The following KDM1B variants were observed in gnomAD, a reference collection of about 807,000 sequenced individuals.
KDM1B encodes lysine-specific histone demethylase 2.
Under a neutral mutation model 107.4 loss-of-function variants are expected in KDM1B, and 63 were observed. The ratio of observed to expected loss-of-function variants is 0.59; its 90% CI spans 0.48 to 0.72. The LOEUF is 0.72. Among genes scored for constraint, KDM1B ranks in the 30% least tolerant of loss-of-function variants. KDM1B has a pLI of 0.00. For missense variants in KDM1B, 749 were observed against 1,020.8 expected, an observed-to-expected ratio of 0.73 and a Z score of 3.63; for synonymous variants, 363 against 363.9, an observed-to-expected ratio of 1.00 and a Z score of 0.03.
At chr6:18,173,854 C>T (rs138907444) in intron 7 of KDM1B, among the ~76,000 whole-genome samples, 17,148 of 152,056 alleles carry the variant, frequency 0.11, 1,109 homozygotes, top group South Asian at 0.19. Context: ...GGCTCGATCT[C>T]GGCTCACTGC....
intron 7 of KDM1B, among the ~76,000 whole-genome samples, chr6:18,183,258 GTTTTTTTTTT>G (rs34558185): frequency 3.3e-5 from 2 of 61,430 alleles, no homozygotes; most frequent in Admixed American, 1.9e-4. Context: ...AATTTTGTGG[GTTTTTTTTTT>G]TTTTTTTTTT....
chr6:18,202,544 TA>T (rs1788108041), intron 14 of KDM1B, among the ~76,000 whole-genome samples: 1 of 152,260 alleles, frequency 6.6e-6, no homozygotes, highest in African/African-American at 2.4e-5. Context: ...TATTGCTTCT[TA>T]AATTGATATT....
At chr6:18,192,003 A>G (rs1283942985) in intron 10 of KDM1B, among the ~76,000 whole-genome samples, 1 of 152,208 alleles carries the variant, frequency 6.6e-6, no homozygotes, top group Non-Finnish European at 1.5e-5. Flanking sequence ...TTGTGTCTGT[A>G]ATTCCAGCAC....
At position 18,155,557 on chromosome 6, in the gene KDM1B, C is replaced by A. The variant is rs1305567754; in HGVS notation, c.-72C>A. On this transcript the variant is annotated 5_prime_UTR_variant, in exon 1 of 22. Transcript: ENST00000650836. The surrounding 1 kb of genome is among the most constrained non-coding windows in gnomAD (Gnocchi z 6.2). ...CAGTCCAGGGCGGCGCGCACCGCCT[C>A]GCTGGCGCTCAGAGGTGGGAGGCTC... The A allele has an allele frequency of 1.3e-5, 2 of 152,870 alleles. No homozygotes were observed. Among genetic ancestry groups the A allele is most frequent in the African/African-American group, 4.8e-5 (2 of 41,430 alleles). The allele number at this position is 152,870 out of a possible 1,614,324, so 9.5% of individuals were successfully genotyped here.
At chr6:18,176,849 C>T (rs904539826) in intron 7 of KDM1B, among the ~76,000 whole-genome samples, 2 of 152,124 alleles carry the variant, frequency 1.3e-5, no homozygotes, top group African/African-American at 4.8e-5. Flanking sequence ...TTGTTGGATT[C>T]AGTTAGCTAG....
intron 7 of KDM1B, among the ~76,000 whole-genome samples, chr6:18,184,448 T>C (rs1424009604): frequency 1.3e-5 from 2 of 151,798 alleles, no homozygotes; most frequent in African/African-American, 2.4e-5. Flanking sequence ...CTAATTTTTG[T>C]ATTTTTAGTA....
At position 18,159,326 on chromosome 6, in the gene KDM1B, A is replaced by T. The variant is rs1784825027; in HGVS notation, c.-13-557A>T. On this transcript the variant is annotated intron_variant, in intron 2 of 21. Coordinates refer to ENST00000650836, the MANE Select transcript of KDM1B (RefSeq NM_001364614.2). The surrounding 1 kb of genome is among the most constrained non-coding windows in gnomAD (Gnocchi z 4.5). ...AGTGCAGGAACTGCTAAGAAGACACAGTAAAATGGAGAGGAACATAGGCAA... is the reference window on the plus strand; with the variant it reads ...AGTGCAGGAACTGCTAAGAAGACACTGTAAAATGGAGAGGAACATAGGCAA... Among the ~76,000 whole-genome samples, 1 of 152,212 alleles carries T rather than the reference A, an allele frequency of 6.6e-6. No individual in the cohort carries two copies. Among genetic ancestry groups the T allele is most frequent in the African/African-American group, 2.4e-5 (1 of 41,444 alleles).
chr6:18,207,386 C>A lies in KDM1B; in HGVS notation c.1660-12C>A, dbSNP rs1207792848. 15 of 1,613,810 alleles carry A rather than the reference C, an allele frequency of 9.3e-6. No homozygotes were observed. The highest frequency in any genetic ancestry group is 1.2e-5 in the Non-Finnish European group (14 of 1,179,902). On this transcript the variant is annotated splice_polypyrimidine_tract_variant and intron_variant, in intron 15 of 21. Transcript: ENST00000650836. ...TTACACTGCTGTGTCCCCAACCTCT[C>A]TTGTTTCCCAGGTATCTGCTCGCTC... is the stretch of plus-strand genomic sequence containing the variant.
In KDM1B at chr6:18,209,022, G is replaced by A. The variant is rs150621489; in HGVS notation, c.1866+816G>A. Reference sequence around the variant, plus strand: ...GAAATCTATTTTACTTTTATTCTGTGCTCTCCACATTTTTTTAAACCACGG... The same window carrying A: ...GAAATCTATTTTACTTTTATTCTGTACTCTCCACATTTTTTTAAACCACGG... On this transcript the variant is annotated intron_variant, in intron 17 of 21. Coordinates refer to ENST00000650836, the MANE Select transcript of KDM1B (RefSeq NM_001364614.2). The surrounding 1 kb of genome is among the most constrained non-coding windows in gnomAD (Gnocchi z 4.3). Among the ~76,000 whole-genome samples, 915 of 152,122 alleles carry A rather than the reference G, an allele frequency of 6.0e-3. 10 individuals are homozygous for A. The highest frequency in any genetic ancestry group is 0.021 in the African/African-American group (855 of 41,512).
At position 18,201,539 on chromosome 6, in the gene KDM1B, T is replaced by G. The variant is rs1788032649; in HGVS notation, c.1413T>G (p.Gly471=). Residue 471 remains glycine, a synonymous_variant, in exon 14 of 22, where the codon GGT becomes GGG. Transcript: ENST00000650836. This position sits in a 1 kb window ranked among gnomAD's most constrained non-coding sequence, Gnocchi z 4.3. The part of the protein sequence containing the change: ...FGERCDLIQE[G]GRITDPTIDK... ...AAAGATGTGACTTAATTCAGGAAGG[T>G]GGAAGAATAACTGACCCCACTATTG... is the stretch of plus-strand genomic sequence containing the variant. 1 of 1,550,200 alleles carries G rather than the reference T, an allele frequency of 6.5e-7. No individual in the cohort carries two copies.
chr6:18,166,624 T>C (rs1267287922), intron 6 of KDM1B, among the ~76,000 whole-genome samples: 1 of 152,028 alleles, frequency 6.6e-6, no homozygotes, highest in African/African-American at 2.4e-5. Context: ...GTGGGAAGAC[T>C]GCTTTGCGCC....
At chr6:18,163,257 G>A (rs1426748185) in intron 5 of KDM1B, among the ~76,000 whole-genome samples, 4 of 151,350 alleles carry the variant, frequency 2.6e-5, no homozygotes, top group African/African-American at 4.9e-5. Context: ...ATGGGGTCTC[G>A]CCATGTTGTC....
rs542757217 is a variant in KDM1B at position 18,211,458 on chromosome 6, C to T, written c.1867-1030C>T. 5 of 152,258 alleles carry T rather than the reference C, an allele frequency of 3.3e-5. No homozygotes were observed. The highest frequency in any genetic ancestry group is 9.6e-5 in the African/African-American group (4 of 41,466). The allele number at this position is 152,258 out of a possible 1,614,324, so 9.4% of individuals were successfully genotyped here. A position where few individuals can be genotyped will look rare whatever the true frequency, so the allele number is the denominator to read the frequency against. Reference sequence around the variant, plus strand: ...GATGTAGAAGGTGTAGGTTGACTTTCGCTTCCCTTCTGCTGCCTCTGTTGA... The same window carrying T: ...GATGTAGAAGGTGTAGGTTGACTTTTGCTTCCCTTCTGCTGCCTCTGTTGA... On this transcript the variant is annotated intron_variant, in intron 17 of 21. Coordinates refer to ENST00000650836, the MANE Select transcript of KDM1B (RefSeq NM_001364614.2). This position sits in a 1 kb window ranked among gnomAD's most constrained non-coding sequence, Gnocchi z 5.2.
intron 6 of KDM1B, among the ~76,000 whole-genome samples, chr6:18,170,844 G>A (rs1375578286): frequency 2.0e-5 from 3 of 149,952 alleles, no homozygotes; most frequent in Admixed American, 1.3e-4. Flanking sequence ...TTTTTGAGAC[G>A]GAGTCTTGCT....
In KDM1B at chr6:18,215,063, G is replaced by A; in HGVS notation, c.2166G>A (p.Arg722=). The part of the protein sequence containing the change: ...VIAGEAVASV[R]TLDDKQVLQQ... ...CCGGGGAGGCTGTCGCATCCGTGAG[G>A]ACCCTGGATGACAAACAGGTGCTGC... The change falls in exon 20 of 22, where the codon AGG becomes AGA. Residue 722 remains arginine (R), a synonymous_variant. Coordinates refer to ENST00000650836, the MANE Select transcript of KDM1B (RefSeq NM_001364614.2). 3.7e-6 allele frequency: 6 copies of A among 1,614,044 alleles called. No homozygotes were observed. The highest frequency in any genetic ancestry group is 5.1e-6 in the Non-Finnish European group (6 of 1,180,002).
chr6:18,185,387 C>T (rs1384847069), intron 7 of KDM1B, among the ~76,000 whole-genome samples: 1 of 152,026 alleles, frequency 6.6e-6, no homozygotes, highest in African/African-American at 2.4e-5. Flanking sequence ...CTGCAACCTC[C>T]ACTTTCCGGG....
At chr6:18,167,802 G>A (rs540449108) in intron 6 of KDM1B, among the ~76,000 whole-genome samples, 42 of 151,950 alleles carry the variant, frequency 2.8e-4, no homozygotes, top group Admixed American at 2.3e-3. Flanking sequence ...TTGCTCTGTC[G>A]TTCAGGCTAG....
chr6:18,208,624 T>TATATATATATATATAG (rs1788579256), intron 17 of KDM1B, among the ~76,000 whole-genome samples: 1 of 41,796 alleles, frequency 2.4e-5, no homozygotes, highest in Non-Finnish European at 4.5e-5. Context: ...TATATATATA[T>TATATATATATATATAG]ATATTTTTTT....
intron 5 of KDM1B, among the ~76,000 whole-genome samples, chr6:18,164,323 T>A (rs1785154750): frequency 6.6e-6 from 1 of 152,074 alleles, no homozygotes; most frequent in Non-Finnish European, 1.5e-5. Context: ...AGACAGGACT[T>A]CATCATGTTG....
Sources: gnomAD v4.1 joint callset for allele counts (sites outside exome capture counted in the v4.1 genomes callset) on GRCh38, gnomAD v4.1.1 for gene constraint, Gnocchi (gnomAD v3.1) non-coding constraint, MANE v1.5 for transcripts, NCBI Gene and HGNC (gene_info 2026-07-23, HGNC 2026-07-21) for gene names.